Variants in KLF13 observed in about 807,000 individuals in gnomAD.
The protein encoded by KLF13 is KLF transcription factor 13, also known as Krueppel-like factor 13.
A neutral mutation model predicts 16.7 loss-of-function variants in KLF13; 8 were observed. That is an observed-to-expected ratio of 0.48 (90% CI 0.28 to 0.87). The LOEUF (loss-of-function observed/expected upper bound fraction) is 0.87. Ranked by LOEUF, KLF13 falls within the 40% of genes least tolerant of loss-of-function variation. The probability of loss-of-function intolerance (pLI) is 0.10; values close to 1 mark genes in which losing one functional copy is unlikely to be tolerated. For missense variants in KLF13, 447 were observed against 452.2 expected (o/e 0.99, Z 0.10); for synonymous variants, 245 against 208.4 (o/e 1.18, Z -1.51).
At chr15:31,390,428 G>T (rs1239996662), upstream of KLF13, among the ~76,000 whole-genome samples, 1 of 152,156 alleles carries the variant, frequency 6.6e-6, no homozygotes, top group Non-Finnish European at 1.5e-5. Context: ...TAGAAAACAA[G>T]GTTCAAAATT....
At chr15:31,385,721 C>T (rs1442668780) in intron 1 of KLF13, among the ~76,000 whole-genome samples, 1 of 152,200 alleles carries the variant, frequency 6.6e-6, no homozygotes, top group African/African-American at 2.4e-5. Context: ...GTCTTTCTCC[C>T]TCTCCTCAGG....
At chr15:31,394,628 T>C (rs1256978369) in intron 2 of KLF13, among the ~76,000 whole-genome samples, 2 of 152,202 alleles carry the variant, frequency 1.3e-5, no homozygotes, top group Non-Finnish European at 2.9e-5. Flanking sequence ...AAGTGAGACT[T>C]CTCTAGGTGC....
chr15:31,352,671 A>G (rs1375881081), intron 1 of KLF13, among the ~76,000 whole-genome samples: 3 of 152,198 alleles, frequency 2.0e-5, no homozygotes, highest in Non-Finnish European at 4.4e-5. Flanking sequence ...GTGCATTTCC[A>G]GCCTCCTGTG....
At chr15:31,334,132 CCA>C (rs2038885878) in intron 1 of KLF13, among the ~76,000 whole-genome samples, 1 of 152,178 alleles carries the variant, frequency 6.6e-6, no homozygotes, top group African/African-American at 2.4e-5. Flanking sequence ...AGTCAAAGGA[CCA>C]CCTGGAGGAG....
chr15:31,414,504 A>G (rs77806035), intron 1 of KLF13, among the ~76,000 whole-genome samples: 4 of 152,302 alleles, frequency 2.6e-5, no homozygotes, highest in Non-Finnish European at 4.4e-5. Context: ...AAAGATACAA[A>G]TAGATTGACA....
intron 1 of KLF13, among the ~76,000 whole-genome samples, chr15:31,353,387 C>T (rs1269113682): frequency 6.7e-6 from 1 of 148,960 alleles, no homozygotes; most frequent in East Asian, 2.0e-4. Flanking sequence ...TAGAGGGCCC[C>T]CTTGTGAAGA....
rs2039672453 is a variant in KLF13, at chr15:31,377,691, G to A, written c.*5392G>A. The A allele has an allele frequency of 6.6e-6, 1 of 152,590 alleles. No individual in the cohort carries two copies. The highest frequency in any genetic ancestry group is 1.5e-5 in the Non-Finnish European group (1 of 68,034). The allele number at this position is 152,590 out of a possible 1,614,324, so 9.5% of individuals were successfully genotyped here. A position where few individuals can be genotyped will look rare whatever the true frequency, so the allele number is the denominator to read the frequency against. On this transcript the variant is annotated 3_prime_UTR_variant, in exon 2 of 2. Transcript: ENST00000307145. ...GTTTCATCTTTCCTGGATCACTACA[G>A]TGAAGTATTACAGTTGTACAGTTCC... is the stretch of plus-strand genomic sequence containing the variant.
chr15:31,426,732 A>G (rs1314890832), intron 1 of KLF13, among the ~76,000 whole-genome samples: 1 of 152,208 alleles, frequency 6.6e-6, no homozygotes. Context: ...TGTCTAGAGA[A>G]CTAATAAAGC....
At chr15:31,382,306 A>G (rs1295405755), downstream of KLF13, among the ~76,000 whole-genome samples, 2 of 152,102 alleles carry the variant, frequency 1.3e-5, no homozygotes, top group East Asian at 3.8e-4. Context: ...GAGCACTCTC[A>G]GAGGGAGGGA....
intron 1 of KLF13, among the ~76,000 whole-genome samples, chr15:31,351,369 C>T (rs1035308907): frequency 1.3e-5 from 2 of 152,202 alleles, no homozygotes; most frequent in African/African-American, 2.4e-5. Flanking sequence ...ACTGTTAAAA[C>T]GTGGGATCAT....
At chr15:31,402,270 C>T (rs1201713364) in intron 2 of KLF13, among the ~76,000 whole-genome samples, 3 of 152,170 alleles carry the variant, frequency 2.0e-5, no homozygotes, top group African/African-American at 7.2e-5. Flanking sequence ...CCCCGCCAGC[C>T]TCTGAAAGGA....
intron 1 of KLF13, among the ~76,000 whole-genome samples, chr15:31,358,360 T>C (rs2140954119): frequency 6.6e-6 from 1 of 152,386 alleles, no homozygotes; most frequent in East Asian, 1.9e-4. Context: ...TCAGCTCCCC[T>C]GTGGTTAACA....
chr15:31,421,120 A>C (rs2040317350), intron 1 of KLF13, among the ~76,000 whole-genome samples: 1 of 152,130 alleles, frequency 6.6e-6, no homozygotes, highest in African/African-American at 2.4e-5. Flanking sequence ...CTTTTAAATT[A>C]AGCCTCGGTT....
rs2039624106 is a variant in KLF13, at chr15:31,375,222, C to T, written c.*2923C>T. On this transcript the variant is annotated 3_prime_UTR_variant, in exon 2 of 2. Transcript: ENST00000307145. ...AATCTCAGGCACGGTTCACAGGGGTCCTCAAGGGCAGGTTTCCATTTCATC... is the reference window on the plus strand; with the variant it reads ...AATCTCAGGCACGGTTCACAGGGGTTCTCAAGGGCAGGTTTCCATTTCATC... The T allele has an allele frequency of 6.6e-6, 1 of 152,186 alleles. No homozygotes were observed. The highest frequency in any genetic ancestry group is 2.4e-5 in the African/African-American group (1 of 41,416). The allele number at this position is 152,186 out of a possible 1,614,324, so 9.4% of individuals were successfully genotyped here.
chr15:31,367,485 C>T (rs757096253), intron 1 of KLF13, among the ~76,000 whole-genome samples: 9 of 152,152 alleles, frequency 5.9e-5, no homozygotes, highest in African/African-American at 2.2e-4. Flanking sequence ...TGCCTGGCAC[C>T]AACGTCCCAT....
chr15:31,380,999 C>G (rs1170970601), downstream of KLF13, among the ~76,000 whole-genome samples: 1 of 152,194 alleles, frequency 6.6e-6, no homozygotes, highest in East Asian at 1.9e-4. Flanking sequence ...TCATGAAACC[C>G]CATCCCCACT....
At chr15:31,435,179 G>T (rs570839243) in intron 1 of KLF13, among the ~76,000 whole-genome samples, 1 of 152,248 alleles carries the variant, frequency 6.6e-6, no homozygotes, top group South Asian at 2.1e-4. Flanking sequence ...GGCTGTGGGG[G>T]CGGGGCTGTT....
chr15:31,332,152 A>G (rs1318970601), intron 1 of KLF13, among the ~76,000 whole-genome samples: 1 of 152,088 alleles, frequency 6.6e-6, no homozygotes, highest in African/African-American at 2.4e-5. Flanking sequence ...ATTGAGACCT[A>G]GTGGTGGTAT....
At chr15:31,420,206 G>T in intron 1 of KLF13, 2 of 615,352 alleles carry the variant, frequency 3.3e-6, no homozygotes, top group Non-Finnish European at 6.2e-6. Flanking sequence ...TGGGGGTGCT[G>T]CCCAGAATCC....
Sources: gnomAD v4.1 joint callset for allele counts (sites outside exome capture counted in the v4.1 genomes callset) on GRCh38, gnomAD v4.1.1 for gene constraint, MANE v1.5 for transcripts, NCBI Gene and HGNC (gene_info 2026-07-23, HGNC 2026-07-21) for gene names.